Variants in NEBL observed in about 807,000 individuals in gnomAD.
NEBL encodes the protein LIM and SH3 protein 2.
NEBL carries 122 observed loss-of-function variants against 140.2 expected under a neutral mutation model. The ratio of observed to expected loss-of-function variants is 0.87; its 90% CI spans 0.75 to 1.01. The LOEUF (loss-of-function observed/expected upper bound fraction) is 1.01. Ranked by LOEUF, NEBL falls within the 50% of genes least tolerant of loss-of-function variation. The pLI, the probability that NEBL is intolerant of heterozygous loss-of-function variation, is 0.00. For synonymous variants in NEBL, 436 were observed against 398.9 expected (o/e 1.09, Z -1.11); for missense variants, 1,365 against 1,231.3 (o/e 1.11, Z -1.62).
chr10:21,022,383 T>C (rs1242015763), intron 2 of NEBL, among the ~76,000 whole-genome samples: 1 of 152,156 alleles, frequency 6.6e-6, no homozygotes, highest in African/African-American at 2.4e-5. Context: ...CATTTGTCGG[T>C]GCAGATAAAG....
intron 2 of NEBL, among the ~76,000 whole-genome samples, chr10:21,091,261 C>T (rs936558748): frequency 2.0e-5 from 3 of 152,158 alleles, no homozygotes; most frequent in Admixed American, 6.5e-5. Flanking sequence ...CCGGAGGTTG[C>T]CCCTTATGAA....
intron 2 of NEBL, chr10:21,110,645 C>CCAT: frequency 2.6e-6 from 1 of 389,200 alleles, no homozygotes; most frequent in Admixed American, 3.3e-5. Context: ...TTATCTCCAT[C>CCAT]CATCTTCTCT....
At chr10:21,186,976 G>GGCCA (rs1395577364) in intron 3 of NEBL, among the ~76,000 whole-genome samples, 1 of 146,604 alleles carries the variant, frequency 6.8e-6, no homozygotes, top group African/African-American at 2.6e-5. Flanking sequence ...AGATACAGAG[G>GGCCA]GCCAACTCTG....
chr10:21,273,520 T>G (rs74123926), intron 1 of NEBL, among the ~76,000 whole-genome samples: 5,222 of 152,256 alleles, frequency 0.034, 277 homozygotes, highest in African/African-American at 0.12. Flanking sequence ...ATCCAATTTG[T>G]GAGGCTGTGG....
chr10:20,847,757 C>G (rs1020917620), intron 11 of NEBL, among the ~76,000 whole-genome samples: 1 of 152,172 alleles, frequency 6.6e-6, no homozygotes, highest in African/African-American at 2.4e-5. Context: ...TGTATGTTAA[C>G]AGCTTCATAC....
chr10:21,026,666 T>C (rs1303009172), intron 2 of NEBL, among the ~76,000 whole-genome samples: 1 of 152,234 alleles, frequency 6.6e-6, no homozygotes, highest in Non-Finnish European at 1.5e-5. Flanking sequence ...AGAATTCAGA[T>C]GTCAAAAGAA....
intron 3 of NEBL, among the ~76,000 whole-genome samples, chr10:20,998,983 G>A (rs1837777256): frequency 6.6e-6 from 1 of 152,182 alleles, no homozygotes; most frequent in Admixed American, 6.5e-5. Flanking sequence ...TATGCTGGGT[G>A]TTCAGGGTTA....
intron 2 of NEBL, chr10:21,146,494 T>C: frequency 6.2e-7 from 1 of 1,613,014 alleles, no homozygotes; most frequent in Non-Finnish European, 8.5e-7. Flanking sequence ...AGATTCTTCT[T>C]TCACTTTTAG....
intron 19 of NEBL, 111 bp from the exon 20 acceptor site, chr10:20,819,627 G>T (rs900929816): frequency 7.7e-7 from 1 of 1,306,028 alleles, no homozygotes; most frequent in Non-Finnish European, 1.1e-6. Flanking sequence ...TCATTAATAA[G>T]ATCATCATCA....
chr10:20,932,765 T>G (rs1834258288), intron 4 of NEBL, among the ~76,000 whole-genome samples: 1 of 152,230 alleles, frequency 6.6e-6, no homozygotes, highest in Non-Finnish European at 1.5e-5. Flanking sequence ...TGCTATTTCT[T>G]CACATGCCTT....
intron 4 of NEBL, among the ~76,000 whole-genome samples, chr10:20,941,699 C>T (rs567717945): frequency 2.0e-4 from 31 of 151,978 alleles, no homozygotes; most frequent in African/African-American, 7.3e-4. Flanking sequence ...CGTCTCAGCC[C>T]AAAACCTCCT....
At chr10:21,158,676 C>T (rs1840432628) in intron 2 of NEBL, among the ~76,000 whole-genome samples, 1 of 152,196 alleles carries the variant, frequency 6.6e-6, no homozygotes. Flanking sequence ...AGATGCCACC[C>T]TCTGGATGGA....
intron 2 of NEBL, among the ~76,000 whole-genome samples, chr10:21,088,088 T>C (rs746446970): frequency 9.2e-5 from 14 of 152,344 alleles, no homozygotes; most frequent in Non-Finnish European, 1.5e-4. Context: ...CCATTCATGC[T>C]ACATGTCCAT....
chr10:21,060,800 C>T (rs1835239721), intron 2 of NEBL, among the ~76,000 whole-genome samples: 1 of 152,100 alleles, frequency 6.6e-6, no homozygotes, highest in African/African-American at 2.4e-5. Flanking sequence ...ACAACCTCTG[C>T]ATTGCTCAAT....
chr10:20,978,430 C>CAA (rs113790766), intron 3 of NEBL, among the ~76,000 whole-genome samples: 3 of 135,022 alleles, frequency 2.2e-5, no homozygotes, highest in East Asian at 4.1e-4. Flanking sequence ...AAAAGCTAAC[C>CAA]AAAAAAAAAA....
intron 3 of NEBL, among the ~76,000 whole-genome samples, chr10:21,208,156 G>A (rs1227577779): frequency 6.6e-6 from 1 of 152,170 alleles, no homozygotes; most frequent in African/African-American, 2.4e-5. Flanking sequence ...AAAGGGCTAG[G>A]AAATTGGGGT....
At chr10:20,926,650 G>A (rs926248981) in intron 4 of NEBL, among the ~76,000 whole-genome samples, 4 of 152,144 alleles carry the variant, frequency 2.6e-5, no homozygotes, top group African/African-American at 9.7e-5. Context: ...AGCCAGGGAG[G>A]GATTTTAGCT....
At chr10:21,070,272 T>A (rs1835758795) in intron 2 of NEBL, among the ~76,000 whole-genome samples, 1 of 152,110 alleles carries the variant, frequency 6.6e-6, no homozygotes, top group Non-Finnish European at 1.5e-5. Flanking sequence ...GCTGATTAGA[T>A]CATTTAAGTA....
intron 2 of NEBL, chr10:21,029,153 C>A: frequency 7.5e-7 from 1 of 1,332,740 alleles, no homozygotes; most frequent in East Asian, 2.3e-5. Flanking sequence ...GGAGATGTTT[C>A]AACGATTTGA....
Sources: allele counts gnomAD v4.1 joint callset (sites outside exome capture counted in the v4.1 genomes callset), GRCh38; gene constraint gnomAD v4.1.1; transcripts MANE v1.5; gene names NCBI Gene and HGNC (gene_info 2026-07-23, HGNC 2026-07-21).